Variants in LUZP2 observed in about 807,000 individuals in gnomAD.
LUZP2 encodes leucine zipper protein 2.
LUZP2 carries 52 observed loss-of-function variants against 51.6 expected under a neutral mutation model. That is an observed-to-expected ratio of 1.01 (90% CI 0.81 to 1.27). The LOEUF (loss-of-function observed/expected upper bound fraction) is 1.27. LUZP2 is among the 50% of genes most tolerant of loss of function. The pLI is 0.00. For missense variants in LUZP2, 436 were observed against 395.4 expected, an observed-to-expected ratio of 1.10 and a Z score of -0.87; for synonymous variants, 154 against 137.3, an observed-to-expected ratio of 1.12 and a Z score of -0.85.
chr11:24,945,643 C>T (rs1854878126), intron 7 of LUZP2, among the ~76,000 whole-genome samples: 2 of 151,608 alleles, frequency 1.3e-5, no homozygotes, highest in South Asian at 4.2e-4. Flanking sequence ...CAACCTCTAT[C>T]TATATCTTCA....
At chr11:24,790,125 A>G (rs1418058392) in intron 5 of LUZP2, among the ~76,000 whole-genome samples, 1 of 152,116 alleles carries the variant, frequency 6.6e-6, no homozygotes, top group Non-Finnish European at 1.5e-5. Context: ...TCATAAATAT[A>G]TGCTGTTGTG....
intron 1 of LUZP2, among the ~76,000 whole-genome samples, chr11:24,561,680 C>T (rs755371011): frequency 6.6e-5 from 10 of 151,866 alleles, no homozygotes; most frequent in African/African-American, 1.4e-4. Flanking sequence ...CGGAGGGTGG[C>T]GGGATAGGAG....
At chr11:25,072,109 ATAAT>A (rs1859176493) in intron 10 of LUZP2, among the ~76,000 whole-genome samples, 1 of 152,068 alleles carries the variant, frequency 6.6e-6, no homozygotes, top group African/African-American at 2.4e-5. Flanking sequence ...CCCCTGATAG[ATAAT>A]TAGTAGGTGA....
chr11:24,787,910 G>T (rs911000332), intron 5 of LUZP2, among the ~76,000 whole-genome samples: 3 of 151,730 alleles, frequency 2.0e-5, no homozygotes, highest in Admixed American at 2.0e-4. Flanking sequence ...ACAGGTGTGT[G>T]TCACCAAGCC....
At chr11:24,594,770 T>C (rs1464437213) in intron 1 of LUZP2, among the ~76,000 whole-genome samples, 1 of 141,390 alleles carries the variant, frequency 7.1e-6, no homozygotes, top group South Asian at 2.5e-4. Context: ...TTTTTTTTTT[T>C]TTTTTTTGAG....
chr11:24,798,930 G>T (rs1849618886), intron 5 of LUZP2, among the ~76,000 whole-genome samples: 1 of 152,248 alleles, frequency 6.6e-6, no homozygotes, highest in South Asian at 2.1e-4. Context: ...GGCTGGGTGA[G>T]CTTCCTTACT....
intron 5 of LUZP2, among the ~76,000 whole-genome samples, chr11:24,800,819 G>T (rs2134115381): frequency 6.6e-6 from 1 of 152,156 alleles, no homozygotes; most frequent in East Asian, 1.9e-4. Flanking sequence ...GCTTTCCCTA[G>T]AATTTTTTCT....
At chr11:24,637,903 C>T (rs112172946) in intron 1 of LUZP2, among the ~76,000 whole-genome samples, 12 of 151,940 alleles carry the variant, frequency 7.9e-5, no homozygotes, top group African/African-American at 2.4e-4. Flanking sequence ...ACTTCCTGTT[C>T]GTACATCCCC....
At chr11:24,633,794 G>C (rs1357599663) in intron 1 of LUZP2, among the ~76,000 whole-genome samples, 1 of 151,786 alleles carries the variant, frequency 6.6e-6, no homozygotes, top group Non-Finnish European at 1.5e-5. Flanking sequence ...GCAACTGCAT[G>C]AATTTATTTT....
chr11:24,579,612 A>T (rs1266335635), intron 1 of LUZP2, among the ~76,000 whole-genome samples: 8 of 152,088 alleles, frequency 5.3e-5, no homozygotes, highest in African/African-American at 1.7e-4. Flanking sequence ...GAAATAAAAT[A>T]ATTCTGTGAT....
intron 1 of LUZP2, among the ~76,000 whole-genome samples, chr11:24,527,651 A>G (rs1850854180): frequency 6.7e-6 from 1 of 148,608 alleles, no homozygotes; most frequent in Admixed American, 6.8e-5. Context: ...CAGTTTCTTT[A>G]TTCTTCAGTT....
At chr11:24,922,386 T>C (rs557924454) in intron 7 of LUZP2, among the ~76,000 whole-genome samples, 2 of 152,338 alleles carry the variant, frequency 1.3e-5, no homozygotes, top group African/African-American at 2.4e-5. Flanking sequence ...GATTATTTCC[T>C]GATGATTCCA....
chr11:24,644,755 G>A (rs1855413594), intron 1 of LUZP2, among the ~76,000 whole-genome samples: 1 of 152,052 alleles, frequency 6.6e-6, no homozygotes, highest in Admixed American at 6.6e-5. Context: ...CTTCTTAACT[G>A]TGTTAGCATA....
intron 5 of LUZP2, among the ~76,000 whole-genome samples, chr11:24,794,030 G>T (rs975420172): frequency 1.6e-4 from 24 of 152,142 alleles, no homozygotes; most frequent in Admixed American, 1.1e-3. Flanking sequence ...ACCTGACCTT[G>T]TGTTTCTCAT....
chr11:24,660,264 A>C (rs748209372), intron 1 of LUZP2, among the ~76,000 whole-genome samples: 4 of 152,172 alleles, frequency 2.6e-5, no homozygotes, highest in Admixed American at 6.6e-5. Context: ...TAAACCAATA[A>C]GTTTGTAGTA....
intron 10 of LUZP2, among the ~76,000 whole-genome samples, chr11:25,068,220 C>T (rs117798428): frequency 7.2e-4 from 109 of 151,864 alleles, no homozygotes; most frequent in Middle Eastern, 3.4e-3. Flanking sequence ...ATGTAGATGA[C>T]GACTTTATGG....
At chr11:24,986,494 A>G (rs1162348659) in intron 9 of LUZP2, among the ~76,000 whole-genome samples, 1 of 151,182 alleles carries the variant, frequency 6.6e-6, no homozygotes. Context: ...AACACTATAA[A>G]TCAGGGTCCT....
chr11:24,807,024 CA>C (rs34565471), intron 5 of LUZP2, among the ~76,000 whole-genome samples: 4,589 of 110,218 alleles, frequency 0.042, 189 homozygotes, highest in African/African-American at 0.12. Flanking sequence ...GAAAATCCAC[CA>C]AAAAAAAAAA....
chr11:24,768,527 T>C (rs754366844), intron 5 of LUZP2, among the ~76,000 whole-genome samples: 3 of 152,192 alleles, frequency 2.0e-5, no homozygotes, highest in African/African-American at 7.2e-5. Flanking sequence ...GGGGTTAATA[T>C]TTAAAATATG....
Sources: allele counts gnomAD v4.1 joint callset (sites outside exome capture counted in the v4.1 genomes callset), GRCh38; gene constraint gnomAD v4.1.1; transcripts MANE v1.5; gene names NCBI Gene and HGNC (gene_info 2026-07-23, HGNC 2026-07-21).